The following CSMD1 variants were observed in gnomAD, a reference collection of about 807,000 sequenced individuals.
CSMD1 encodes the protein CUB and sushi domain-containing protein 1.
CSMD1 carries 213 observed loss-of-function variants against 417.5 expected under a neutral mutation model. The observed-to-expected ratio is 0.51, with a 90% CI of 0.46 to 0.57. The LOEUF is 0.57. CSMD1 is among the 20% of genes least tolerant of loss of function. The probability of loss-of-function intolerance (pLI) is 0.00; values close to 1 mark genes in which losing one functional copy is unlikely to be tolerated. For missense variants in CSMD1, 6,923 were observed against 4,529.7 expected (o/e 1.53, Z -15.17); for synonymous variants, 2,862 against 1,736.8 (o/e 1.65, Z -16.11).
At chr8:4,178,527 G>GA (rs1798182395) in intron 3 of CSMD1, among the ~76,000 whole-genome samples, 3 of 151,170 alleles carry the variant, frequency 2.0e-5, no homozygotes, top group Non-Finnish European at 2.9e-5. Flanking sequence ...GCACAAGACA[G>GA]GGATGCCCTC....
intron 1 of CSMD1, among the ~76,000 whole-genome samples, chr8:4,824,814 C>A (rs1039723827): frequency 2.1e-4 from 32 of 152,062 alleles, no homozygotes; most frequent in Admixed American, 1.6e-3. Flanking sequence ...AGGAAATGAC[C>A]AGGTATATAG....
At chr8:3,379,233 C>G (rs182662128) in intron 18 of CSMD1, among the ~76,000 whole-genome samples, 1 of 152,114 alleles carries the variant, frequency 6.6e-6, no homozygotes, top group Admixed American at 6.5e-5. Flanking sequence ...AACCACTGCT[C>G]AAGGAAATAA....
chr8:4,180,426 G>A (rs942709422), intron 3 of CSMD1, among the ~76,000 whole-genome samples: 1 of 127,472 alleles, frequency 7.8e-6, no homozygotes, highest in Non-Finnish European at 1.6e-5. Context: ...GGGGACTGCT[G>A]TGGGGTGGGG....
chr8:3,827,633 A>G (rs568572491), intron 5 of CSMD1, among the ~76,000 whole-genome samples: 1 of 152,356 alleles, frequency 6.6e-6, no homozygotes, highest in African/African-American at 2.4e-5. Context: ...TCTTTCTATA[A>G]AAACCTCTTC....
intron 5 of CSMD1, among the ~76,000 whole-genome samples, chr8:3,960,972 A>T (rs1005732204): frequency 6.6e-6 from 1 of 151,984 alleles, no homozygotes; most frequent in African/African-American, 2.4e-5. Flanking sequence ...TATGATTTAA[A>T]TTCTTTTAAA....
intron 26 of CSMD1, among the ~76,000 whole-genome samples, chr8:3,270,405 G>C (rs1471538085): frequency 6.6e-6 from 1 of 151,752 alleles, no homozygotes; most frequent in African/African-American, 2.4e-5. Flanking sequence ...TTATTTTAAA[G>C]CAGTGAAAAA....
chr8:4,040,091 G>C (rs1414383105), intron 3 of CSMD1, among the ~76,000 whole-genome samples: 2 of 152,176 alleles, frequency 1.3e-5, no homozygotes, highest in Non-Finnish European at 2.9e-5. Context: ...AAAGTATACA[G>C]AGATTTTAAC....
chr8:4,448,585 C>G (rs1217463975), intron 2 of CSMD1, among the ~76,000 whole-genome samples: 4 of 152,096 alleles, frequency 2.6e-5, no homozygotes, highest in African/African-American at 9.7e-5. Flanking sequence ...CTGTATTGTG[C>G]AATTTTAAAG....
chr8:3,054,781 A>G (rs1180371229), intron 49 of CSMD1, among the ~76,000 whole-genome samples: 1 of 152,166 alleles, frequency 6.6e-6, no homozygotes, highest in African/African-American at 2.4e-5. Context: ...AAAACGAAAA[A>G]CCACAGACAT....
chr8:3,090,283 C>G (rs954777040), intron 48 of CSMD1, among the ~76,000 whole-genome samples: 3 of 131,364 alleles, frequency 2.3e-5, no homozygotes, highest in African/African-American at 2.9e-5. Context: ...CACCACTGCA[C>G]TCCAGCCTGG....
At chr8:4,773,357 T>C (rs532901924) in intron 1 of CSMD1, among the ~76,000 whole-genome samples, 1 of 152,130 alleles carries the variant, frequency 6.6e-6, no homozygotes, top group Non-Finnish European at 1.5e-5. Flanking sequence ...GCTTTTTGTT[T>C]CAGGAAAGCA....
chr8:4,492,724 C>A (rs532844917), intron 2 of CSMD1, among the ~76,000 whole-genome samples: 1 of 152,164 alleles, frequency 6.6e-6, no homozygotes, highest in Non-Finnish European at 1.5e-5. Context: ...CCCATGGAAA[C>A]TGACCATGGG....
chr8:3,384,931 TAATA>T (rs1228497183), intron 18 of CSMD1, among the ~76,000 whole-genome samples: 3 of 110,442 alleles, frequency 2.7e-5, no homozygotes, highest in African/African-American at 1.1e-4. Context: ...TATGCTAATA[TAATA>T]TATAATATAT....
chr8:4,541,286 C>G (rs1410513677), intron 2 of CSMD1, among the ~76,000 whole-genome samples: 2 of 152,150 alleles, frequency 1.3e-5, no homozygotes, highest in Non-Finnish European at 2.9e-5. Context: ...GATCTACTGG[C>G]ACGTGCTGAT....
At chr8:3,851,540 G>T (rs561046858) in intron 5 of CSMD1, among the ~76,000 whole-genome samples, 1 of 152,214 alleles carries the variant, frequency 6.6e-6, no homozygotes, top group Non-Finnish European at 1.5e-5. Context: ...CCTGAAAGGT[G>T]AGCCTCTGCA....
chr8:3,691,567 A>G (rs986496983), intron 7 of CSMD1, among the ~76,000 whole-genome samples: 6 of 152,166 alleles, frequency 3.9e-5, no homozygotes, highest in Non-Finnish European at 5.9e-5. Context: ...GTATTTACAC[A>G]TAACTTTATA....
chr8:3,771,624 T>C (rs1798579742), intron 5 of CSMD1, among the ~76,000 whole-genome samples: 1 of 151,776 alleles, frequency 6.6e-6, no homozygotes, highest in South Asian at 2.1e-4. Flanking sequence ...TGGAGAAAGG[T>C]GACAGAAGCC....
chr8:3,363,844 C>T (rs1252504137), intron 20 of CSMD1, among the ~76,000 whole-genome samples: 3 of 152,088 alleles, frequency 2.0e-5, no homozygotes, highest in Non-Finnish European at 4.4e-5. Context: ...GTGGAGTATC[C>T]AGTGCACATA....
intron 5 of CSMD1, among the ~76,000 whole-genome samples, chr8:3,779,617 T>C (rs918114097): frequency 6.6e-6 from 1 of 152,198 alleles, no homozygotes; most frequent in African/African-American, 2.4e-5. Context: ...TAATAAAATA[T>C]GGATAATGAC....
Sources: gnomAD v4.1 joint callset for allele counts (sites outside exome capture counted in the v4.1 genomes callset) on GRCh38, gnomAD v4.1.1 for gene constraint, MANE v1.5 for transcripts, NCBI Gene and HGNC (gene_info 2026-07-23, HGNC 2026-07-21) for gene names.